DSCAM: variants seen among roughly 807,000 people sequenced by gnomAD.
DSCAM encodes cell adhesion molecule DSCAM.
A neutral mutation model predicts 217.7 loss-of-function variants in DSCAM; 47 were observed. The ratio of observed to expected loss-of-function variants is 0.22; its 90% confidence interval spans 0.17 to 0.28. The LOEUF is 0.28. Ranked by LOEUF, DSCAM falls within the 10% of genes least tolerant of loss-of-function variation. The pLI, the probability that DSCAM is intolerant of heterozygous loss-of-function variation, is 1.00. For missense variants in DSCAM, 2,080 were observed against 2,618.3 expected (o/e 0.79, Z 4.49); for synonymous variants, 1,056 against 1,015.3 (o/e 1.04, Z -0.76).
In DSCAM at chr21:40,846,732, T is replaced by G; in HGVS notation, c.-71A>C. 1.4e-6 allele frequency: 1 copy of G among 707,490 alleles called. No homozygotes were observed. Among genetic ancestry groups the G allele is most frequent in the Non-Finnish European group, 1.8e-6 (1 of 566,540 alleles). The allele number at this position is 707,490 out of a possible 1,614,324, so 43.8% of individuals were successfully genotyped here. ...CCCCCCGCGCTCCGCCCGGCCCGGC[T>G]CCGCTCGCCGCTCGGCACCTGCCCG... On this transcript the variant is annotated 5_prime_UTR_variant, in exon 1 of 33. Transcript: ENST00000400454.
At chr21:40,456,739 T>C (rs2075767129) in intron 3 of DSCAM, among the ~76,000 whole-genome samples, 1 of 152,090 alleles carries the variant, frequency 6.6e-6, no homozygotes, top group Non-Finnish European at 1.5e-5. Flanking sequence ...ACTAAATGGA[T>C]AGCTAATAGG....
chr21:40,682,382 C>T (rs900327519), intron 3 of DSCAM, among the ~76,000 whole-genome samples: 1 of 151,616 alleles, frequency 6.6e-6, no homozygotes, highest in Non-Finnish European at 1.5e-5. Flanking sequence ...AGAGATAGCA[C>T]CGAAATATTC....
At chr21:40,507,980 T>C (rs1361411207) in intron 3 of DSCAM, among the ~76,000 whole-genome samples, 6 of 152,116 alleles carry the variant, frequency 3.9e-5, no homozygotes, top group Non-Finnish European at 8.8e-5. Flanking sequence ...CCACCGGTAT[T>C]TGCTAAATGT....
At chr21:40,588,474 G>GT (rs1464808217) in intron 3 of DSCAM, among the ~76,000 whole-genome samples, 1 of 152,168 alleles carries the variant, frequency 6.6e-6, no homozygotes, top group South Asian at 2.1e-4. Flanking sequence ...AACAAATGCA[G>GT]TAAGTTTCAG....
intron 4 of DSCAM, among the ~76,000 whole-genome samples, chr21:40,363,423 T>C (rs1235379192): frequency 6.6e-6 from 1 of 151,918 alleles, no homozygotes; most frequent in East Asian, 1.9e-4. Context: ...TGGGTAATTT[T>C]TGTATTTTTA....
At chr21:40,464,609 C>T (rs959625372) in intron 3 of DSCAM, among the ~76,000 whole-genome samples, 3 of 152,124 alleles carry the variant, frequency 2.0e-5, no homozygotes, top group African/African-American at 7.2e-5. Context: ...CCTGTCCAGC[C>T]CACTTTTAAA....
intron 3 of DSCAM, among the ~76,000 whole-genome samples, chr21:40,629,027 A>G (rs1268336972): frequency 1.3e-5 from 2 of 151,456 alleles, no homozygotes; most frequent in African/African-American, 4.9e-5. Flanking sequence ...ACCCAGCCCT[A>G]TATATCTATC....
At chr21:40,747,973 TATG>T (rs1372624386) in intron 1 of DSCAM, among the ~76,000 whole-genome samples, 6 of 151,864 alleles carry the variant, frequency 4.0e-5, no homozygotes, top group Admixed American at 2.6e-4. Flanking sequence ...GCCAAATCCA[TATG>T]ATAATTTCAA....
intron 3 of DSCAM, among the ~76,000 whole-genome samples, chr21:40,621,832 A>AT (rs1392646379): frequency 2.0e-5 from 3 of 148,390 alleles, no homozygotes; most frequent in Non-Finnish European, 4.5e-5. Flanking sequence ...AAAGGGATGG[A>AT]TCAAGATGAA....
At chr21:40,505,095 T>C (rs758312447) in intron 3 of DSCAM, among the ~76,000 whole-genome samples, 5 of 152,206 alleles carry the variant, frequency 3.3e-5, no homozygotes, top group Non-Finnish European at 2.9e-5. Context: ...CACCTCCTGG[T>C]TGCCCATTTT....
At chr21:40,305,910 G>A (rs888782220) in intron 9 of DSCAM, among the ~76,000 whole-genome samples, 1 of 152,184 alleles carries the variant, frequency 6.6e-6, no homozygotes, top group Non-Finnish European at 1.5e-5. Context: ...GCTTAGGATT[G>A]ACTTGGCGAC....
intron 3 of DSCAM, among the ~76,000 whole-genome samples, chr21:40,397,488 G>A (rs2075190428): frequency 6.6e-6 from 1 of 152,118 alleles, no homozygotes; most frequent in African/African-American, 2.4e-5. Flanking sequence ...CCCAGAAGCT[G>A]AGCAGATGCC....
At chr21:40,843,790 CTT>C (rs56383167) in intron 1 of DSCAM, among the ~76,000 whole-genome samples, 3,073 of 118,968 alleles carry the variant, frequency 0.026, 78 homozygotes, top group African/African-American at 0.085. Context: ...CTGACTTCTT[CTT>C]TTTTTTTTTT....
chr21:40,316,556 A>G (rs533036437), intron 8 of DSCAM, among the ~76,000 whole-genome samples: 30 of 152,318 alleles, frequency 2.0e-4, no homozygotes, highest in African/African-American at 5.5e-4. Flanking sequence ...CTGATTCATG[A>G]TATCACCTAA....
chr21:40,637,606 A>AATATATATAT (rs1486330429), intron 3 of DSCAM, among the ~76,000 whole-genome samples: 2 of 36,770 alleles, frequency 5.4e-5, no homozygotes, highest in Non-Finnish European at 1.0e-4. Context: ...TATATATATA[A>AATATATATAT]ATATATATAA....
At chr21:40,627,916 G>T (rs1163936753) in intron 3 of DSCAM, among the ~76,000 whole-genome samples, 1 of 152,076 alleles carries the variant, frequency 6.6e-6, no homozygotes, top group African/African-American at 2.4e-5. Flanking sequence ...CTGTGTTTTT[G>T]TCTTCTCTTC....
At chr21:40,340,072 T>C (rs2074474661) in intron 6 of DSCAM, among the ~76,000 whole-genome samples, 1 of 152,216 alleles carries the variant, frequency 6.6e-6, no homozygotes, top group South Asian at 2.1e-4. Flanking sequence ...TTGTATTAAA[T>C]GCCGTGTATT....
At chr21:40,696,660 T>C (rs753235163) in intron 2 of DSCAM, among the ~76,000 whole-genome samples, 4 of 152,196 alleles carry the variant, frequency 2.6e-5, no homozygotes, top group Admixed American at 1.3e-4. Flanking sequence ...TAGGGTCCAC[T>C]GCAATCATTT....
chr21:40,517,068 T>C (rs1186453326), intron 3 of DSCAM, among the ~76,000 whole-genome samples: 3 of 148,032 alleles, frequency 2.0e-5, no homozygotes, highest in South Asian at 2.1e-4. Flanking sequence ...TGTATATATA[T>C]ACATATGTTA....
Sources: allele counts gnomAD v4.1 joint callset (sites outside exome capture counted in the v4.1 genomes callset), GRCh38; gene constraint gnomAD v4.1.1; transcripts MANE v1.5; gene names NCBI Gene and HGNC (gene_info 2026-07-23, HGNC 2026-07-21).